The following ABTB3 variants were observed in gnomAD, a reference collection of about 807,000 sequenced individuals.
ABTB3 encodes the protein ankyrin repeat and BTB domain containing 3.
At chr12:107,642,027 T>C in the ABTB3 span, 4 of 1,492,624 alleles carry the variant, frequency 2.7e-6, no homozygotes, top group South Asian at 2.3e-5. Context: ...GAGAGCAGAG[T>C]TTTTTGTGAG....
the ABTB3 span, among the ~76,000 whole-genome samples, chr12:107,493,853 G>A: frequency 2.0e-5 from 3 of 151,982 alleles, no homozygotes; most frequent in Non-Finnish European, 2.9e-5. Flanking sequence ...AAAACCCTAG[G>A]AGCTGGCAGA....
the ABTB3 span, among the ~76,000 whole-genome samples, chr12:107,393,374 GA>G: frequency 3.1e-4 from 47 of 152,052 alleles, no homozygotes; most frequent in African/African-American, 1.1e-3. Context: ...CCAGGGAAAT[GA>G]AAATCCATAG....
At chr12:107,548,400 A>G in the ABTB3 span, among the ~76,000 whole-genome samples, 3 of 152,222 alleles carry the variant, frequency 2.0e-5, no homozygotes, top group Non-Finnish European at 4.4e-5. Context: ...TATGCCTCAA[A>G]CCATCCTTTC....
chr12:107,475,548 G>C, the ABTB3 span, among the ~76,000 whole-genome samples: 1 of 152,150 alleles, frequency 6.6e-6, no homozygotes, highest in Non-Finnish European at 1.5e-5. Flanking sequence ...AGGAGTCCTT[G>C]TAGAACTCTG....
the ABTB3 span, among the ~76,000 whole-genome samples, chr12:107,621,391 C>G: frequency 6.6e-6 from 1 of 152,194 alleles, no homozygotes. Flanking sequence ...AATAAAGAGA[C>G]TTTCACCTGA....
chr12:107,429,236 C>T, the ABTB3 span, among the ~76,000 whole-genome samples: 3 of 152,142 alleles, frequency 2.0e-5, no homozygotes, highest in Admixed American at 2.0e-4. Context: ...GCAGAGCCTG[C>T]GAAATGGGTA....
chr12:107,380,597 C>A, the ABTB3 span, among the ~76,000 whole-genome samples: 1 of 152,174 alleles, frequency 6.6e-6, no homozygotes, highest in African/African-American at 2.4e-5. Context: ...TACCTAGCAT[C>A]TACTGAACCC....
the ABTB3 span, among the ~76,000 whole-genome samples, chr12:107,409,442 A>C: frequency 6.6e-6 from 1 of 152,262 alleles, no homozygotes; most frequent in South Asian, 2.1e-4. Context: ...TACCCAAAGG[A>C]ATATAAAGAT....
At chr12:107,503,772 A>AAAAAAAAAAAAAAAAAAAAAAAAG in the ABTB3 span, among the ~76,000 whole-genome samples, 1 of 148,118 alleles carries the variant, frequency 6.8e-6, no homozygotes, top group East Asian at 1.9e-4. Context: ...AAAAAAAAAA[A>AAAAAAAAAAAAAAAAAAAAAAAAG]AAGAAGAAGA....
the ABTB3 span, among the ~76,000 whole-genome samples, chr12:107,428,316 C>A: frequency 6.6e-6 from 1 of 152,172 alleles, no homozygotes; most frequent in East Asian, 1.9e-4. Context: ...ATAACATATG[C>A]TGCCAGTTCC....
chr12:107,520,414 G>A, the ABTB3 span: 1 of 1,555,564 alleles, frequency 6.4e-7, no homozygotes, highest in African/African-American at 1.3e-5. Flanking sequence ...GCAAGATGTT[G>A]CACCCTTCCC....
At chr12:107,520,728 G>A in the ABTB3 span, 1 of 1,512,798 alleles carries the variant, frequency 6.6e-7, no homozygotes, top group Non-Finnish European at 9.0e-7. Context: ...AACCCCTCAG[G>A]GCACTATTTT....
chr12:107,615,669 G>A, the ABTB3 span, among the ~76,000 whole-genome samples: 1 of 152,202 alleles, frequency 6.6e-6, no homozygotes, highest in South Asian at 2.1e-4. Flanking sequence ...CTAGAGTAGG[G>A]CCTTGGCCAT....
At chr12:107,351,184 T>C in the ABTB3 span, among the ~76,000 whole-genome samples, 1 of 152,226 alleles carries the variant, frequency 6.6e-6, no homozygotes, top group Non-Finnish European at 1.5e-5. Flanking sequence ...TTCATACCTT[T>C]TCAGGGTGTT....
chr12:107,319,326 T>C, the ABTB3 span: 1 of 1,547,044 alleles, frequency 6.5e-7, no homozygotes, highest in Non-Finnish European at 8.7e-7. Context: ...AAGGACGCGC[T>C]GGCCAAGCTG....
the ABTB3 span, among the ~76,000 whole-genome samples, chr12:107,506,993 A>G: frequency 6.6e-6 from 1 of 152,216 alleles, no homozygotes; most frequent in Admixed American, 6.5e-5. Flanking sequence ...TTTTAAAAAC[A>G]GGCATGGATA....
chr12:107,387,933 C>A, the ABTB3 span, among the ~76,000 whole-genome samples: 2 of 151,594 alleles, frequency 1.3e-5, no homozygotes, highest in African/African-American at 4.9e-5. Context: ...TCCTCCTACT[C>A]CTCTCCTTCT....
At chr12:107,553,203 C>T in the ABTB3 span, among the ~76,000 whole-genome samples, 2 of 152,210 alleles carry the variant, frequency 1.3e-5, no homozygotes, top group Non-Finnish European at 2.9e-5. Flanking sequence ...TCTCTACTCC[C>T]TTAATCCAGA....
chr12:107,406,846 G>C, the ABTB3 span, among the ~76,000 whole-genome samples: 2 of 152,060 alleles, frequency 1.3e-5, no homozygotes, highest in African/African-American at 2.4e-5. Flanking sequence ...CTTATCCCTG[G>C]TTGTGACTCA....
Sources: gnomAD v4.1 joint callset for allele counts (sites outside exome capture counted in the v4.1 genomes callset) on GRCh38, gnomAD v4.1.1 for gene constraint, MANE v1.5 for transcripts, NCBI Gene and HGNC (gene_info 2026-07-23, HGNC 2026-07-21) for gene names.